Variants in MCUB observed in about 807,000 individuals in gnomAD.
MCUB encodes the protein calcium uniporter regulatory subunit MCUb, mitochondrial.
In MCUB, 46 loss-of-function variants were observed where a neutral mutation model predicts 41.4. The observed-to-expected ratio is 1.11, with a 90% CI of 0.88 to 1.42. The LOEUF is 1.42. MCUB is among the 40% of genes most tolerant of loss of function. The pLI, the probability that MCUB is intolerant of heterozygous loss-of-function variation, is 0.00. For missense variants in MCUB, 403 were observed against 404.9 expected (o/e 1.00, Z 0.04); for synonymous variants, 148 against 148.2 (o/e 1.00, Z 0.01).
Position 109,652,827 on chromosome 4 carries a change from C to G in MCUB, c.100-6184C>G, listed in dbSNP as rs74930162. Reference sequence around the variant, plus strand: ...CTAGGTTGGTAATTATTTTCCTTAGCATCTTGAAAACATTCCTGCATTTAT... The same window carrying G: ...CTAGGTTGGTAATTATTTTCCTTAGGATCTTGAAAACATTCCTGCATTTAT... On this transcript the variant is annotated intron_variant, in intron 1 of 7. Coordinates refer to ENST00000394650, the MANE Select transcript of MCUB (RefSeq NM_017918.5). Among the ~76,000 whole-genome samples the G allele has an allele frequency of 7.4e-3, 1,132 of 152,288 alleles. 26 individuals carry two copies. Among genetic ancestry groups the G allele is most frequent in the South Asian group, 0.06 (290 of 4,828 alleles).
intron 1 of MCUB, among the ~76,000 whole-genome samples, chr4:109,572,760 A>T (rs1726943815): frequency 6.6e-6 from 1 of 152,130 alleles, no homozygotes; most frequent in Admixed American, 6.5e-5. Flanking sequence ...CAAATGCATA[A>T]CTTTGAGATA....
intron 1 of MCUB, among the ~76,000 whole-genome samples, chr4:109,562,077 A>G (rs1170550909): frequency 6.6e-6 from 1 of 152,010 alleles, no homozygotes; most frequent in African/African-American, 2.4e-5. Flanking sequence ...AAGTCCATTT[A>G]ACACGTTGAG....
intron 1 of MCUB, among the ~76,000 whole-genome samples, chr4:109,656,977 C>T (rs768924823): frequency 3.3e-5 from 5 of 151,986 alleles, no homozygotes; most frequent in South Asian, 4.1e-4. Context: ...CCCAGCGCTT[C>T]GGGAGGCCGA....
intron 1 of MCUB, among the ~76,000 whole-genome samples, chr4:109,596,004 AGTAAGG>A (rs1727548041): frequency 7.4e-6 from 1 of 135,760 alleles, no homozygotes; most frequent in Non-Finnish European, 1.5e-5. Flanking sequence ...CCCACCTACC[AGTAAGG>A]CCAGCCTCTT....
At chr4:109,652,117 G>A (rs573003495) in intron 1 of MCUB, among the ~76,000 whole-genome samples, 53 of 152,172 alleles carry the variant, frequency 3.5e-4, no homozygotes, top group Non-Finnish European at 5.6e-4. Flanking sequence ...GGGTGTACAT[G>A]TCTGTCCAAA....
intron 1 of MCUB, among the ~76,000 whole-genome samples, chr4:109,657,972 A>T (rs189072949): frequency 2.6e-5 from 4 of 152,280 alleles, no homozygotes; most frequent in Admixed American, 2.6e-4. Flanking sequence ...GAGGTTCTGA[A>T]TGTTTGTGTA....
chr4:109,592,374 C>A (rs1727457628), intron 1 of MCUB, among the ~76,000 whole-genome samples: 1 of 151,204 alleles, frequency 6.6e-6, no homozygotes, highest in South Asian at 2.1e-4. Context: ...CATGCCACTG[C>A]ATTCCAGCCT....
At chr4:109,653,747 G>A (rs940727971) in intron 1 of MCUB, among the ~76,000 whole-genome samples, 4 of 152,040 alleles carry the variant, frequency 2.6e-5, no homozygotes, top group Admixed American at 6.5e-5. Flanking sequence ...AGCTAATTTT[G>A]TATTTTTTGT....
At chr4:109,594,730 C>T (rs1727516264) in intron 1 of MCUB, among the ~76,000 whole-genome samples, 1 of 150,954 alleles carries the variant, frequency 6.6e-6, no homozygotes, top group South Asian at 2.1e-4. Context: ...CAGAGTAGCT[C>T]AGCCTGAAGT....
chr4:109,585,938 T>C (rs1727296207), intron 1 of MCUB, among the ~76,000 whole-genome samples: 1 of 152,204 alleles, frequency 6.6e-6, no homozygotes, highest in African/African-American at 2.4e-5. Context: ...GTTGCTCTTC[T>C]TGAGGAGTAT....
chr4:109,637,346 G>A (rs1382801716), intron 1 of MCUB, among the ~76,000 whole-genome samples: 1 of 152,180 alleles, frequency 6.6e-6, no homozygotes, highest in Non-Finnish European at 1.5e-5. Flanking sequence ...TACATACTAG[G>A]TGTTCAGTAA....
chr4:109,597,400 CGGGCGGGGGGCT>C (rs1727587671), intron 1 of MCUB, among the ~76,000 whole-genome samples: 1 of 134,330 alleles, frequency 7.4e-6, no homozygotes, highest in Non-Finnish European at 1.6e-5. Flanking sequence ...GGCGGCTGGC[CGGGCGGGGGGCT>C]GACCCCCCCA....
At chr4:109,657,995 G>A (rs1204606441) in intron 1 of MCUB, among the ~76,000 whole-genome samples, 1 of 152,170 alleles carries the variant, frequency 6.6e-6, no homozygotes, top group Non-Finnish European at 1.5e-5. Flanking sequence ...TAATTTTTTT[G>A]TGGTTGCTGT....
At chr4:109,634,414 C>T (rs1245464099) in intron 1 of MCUB, among the ~76,000 whole-genome samples, 1 of 148,624 alleles carries the variant, frequency 6.7e-6, no homozygotes, top group East Asian at 2.0e-4. Context: ...ACCTGGGAGG[C>T]GGAGGTTGCA....
intron 1 of MCUB, among the ~76,000 whole-genome samples, chr4:109,611,596 G>A (rs1042517254): frequency 2.6e-5 from 4 of 152,172 alleles, no homozygotes; most frequent in Non-Finnish European, 4.4e-5. Flanking sequence ...TTGTGACTTA[G>A]TGGAGATAAT....
intron 1 of MCUB, among the ~76,000 whole-genome samples, chr4:109,650,355 C>G (rs1019473579): frequency 6.6e-6 from 1 of 152,122 alleles, no homozygotes; most frequent in African/African-American, 2.4e-5. Flanking sequence ...TTCAATTTCC[C>G]AAGTAACCAT....
intron 1 of MCUB, among the ~76,000 whole-genome samples, chr4:109,646,048 G>A (rs1020674878): frequency 3.0e-4 from 45 of 151,886 alleles, no homozygotes; most frequent in Admixed American, 6.6e-5. Flanking sequence ...CCCCATTCAT[G>A]TGCTCCCCTT....
At chr4:109,567,020 G>A (rs1321826664) in intron 1 of MCUB, among the ~76,000 whole-genome samples, 1 of 151,816 alleles carries the variant, frequency 6.6e-6, no homozygotes, top group African/African-American at 2.4e-5. Context: ...GGCTGAGCCA[G>A]GAGAATTGGT....
chr4:109,615,282 C>CG (rs1728101181), intron 1 of MCUB, among the ~76,000 whole-genome samples: 1 of 151,958 alleles, frequency 6.6e-6, no homozygotes, highest in Non-Finnish European at 1.5e-5. Context: ...TGTCAGCCCC[C>CG]GGGATTATAT....
Sources: allele counts gnomAD v4.1 joint callset (sites outside exome capture counted in the v4.1 genomes callset), GRCh38; gene constraint gnomAD v4.1.1; transcripts MANE v1.5; gene names NCBI Gene and HGNC (gene_info 2026-07-23, HGNC 2026-07-21).